The following MYT1L variants were observed in gnomAD, a reference collection of about 807,000 sequenced individuals.
MYT1L encodes myelin transcription factor 1 like, also known as myelin transcription factor 1-like protein.
MYT1L carries 12 observed loss-of-function variants against 126.7 expected under a neutral mutation model. That is an observed-to-expected ratio of 0.09 (90% CI 0.06 to 0.15). MYT1L has a LOEUF of 0.15. Among genes scored for constraint, MYT1L ranks in the 10% least tolerant of loss-of-function variants. The pLI is 1.00. For synonymous variants in MYT1L, 541 were observed against 604.2 expected (o/e 0.90, Z 1.53); for missense variants, 979 against 1,585.2 (o/e 0.62, Z 6.49).
intron 3 of MYT1L, among the ~76,000 whole-genome samples, chr2:2,105,163 G>A (rs749121746): frequency 9.2e-5 from 14 of 152,316 alleles, no homozygotes; most frequent in Middle Eastern, 3.4e-3. Context: ...GTGTAGTTTT[G>A]TAGAAGCTCT....
chr2:2,073,496 G>A (rs969348773), intron 3 of MYT1L, among the ~76,000 whole-genome samples: 4 of 152,036 alleles, frequency 2.6e-5, no homozygotes, highest in African/African-American at 9.7e-5. Context: ...CTCTCCTACG[G>A]GGAAGAGAGA....
Position 2,159,832 on chromosome 2 carries a change from T to TG in MYT1L, c.-304+13039dup, listed in dbSNP as rs1204800768. Among the ~76,000 whole-genome samples the TG allele has an allele frequency of 7.2e-5, 11 of 152,156 alleles. No individual in the cohort carries two copies. In the East Asian group the frequency reaches 1.8e-3, roughly 24 times the overall value. ...AATTGTTGATCATTTGCATTTCCTC[T>TG]GGGGGGCTCTTCTGTTTGCTACTTT... is the stretch of plus-strand genomic sequence containing the variant. On this transcript the variant is annotated intron_variant, in intron 3 of 24. Coordinates refer to ENST00000647738, the MANE Select transcript of MYT1L (RefSeq NM_001303052.2).
chr2:1,893,690 CTCCT>C (rs553125204), intron 14 of MYT1L, among the ~76,000 whole-genome samples: 35 of 152,324 alleles, frequency 2.3e-4, no homozygotes, highest in Middle Eastern at 3.4e-3. Flanking sequence ...TCCCCAGGGA[CTCCT>C]TCCCACAGAG....
chr2:2,315,654 A>T (rs1368838138), intron 1 of MYT1L, among the ~76,000 whole-genome samples: 1 of 152,150 alleles, frequency 6.6e-6, no homozygotes, highest in Non-Finnish European at 1.5e-5. Context: ...ATTTATCAAC[A>T]GTTTGAATTT....
intron 2 of MYT1L, among the ~76,000 whole-genome samples, chr2:2,223,555 C>T (rs1020358410): frequency 7.9e-5 from 12 of 152,108 alleles, no homozygotes; most frequent in Admixed American, 2.0e-4. Flanking sequence ...TAGGCACTTC[C>T]GAAAATAGCT....
intron 2 of MYT1L, among the ~76,000 whole-genome samples, chr2:2,184,082 AGAGG>A (rs2091864034): frequency 6.8e-6 from 1 of 147,976 alleles, no homozygotes. Flanking sequence ...AGAAACAGAG[AGAGG>A]GAGGGAGGGA....
Position 2,103,890 on chromosome 2 carries a change from T to C in MYT1L, c.-303-49767A>G, listed in dbSNP as rs565570849. Among the ~76,000 whole-genome samples the C allele has an allele frequency of 3.9e-5, 6 of 152,340 alleles. 1 individual carries two copies. Among genetic ancestry groups the C allele is most frequent in the South Asian group, 2.1e-4 (1 of 4,834 alleles). On this transcript the variant is annotated intron_variant, in intron 3 of 24. Transcript: ENST00000647738. ...TTCAACAGAGCAGATGCTGTGAGTA[T>C]AGAAAACGGTTTCTCCACAGCTCAG...
intron 18 of MYT1L, among the ~76,000 whole-genome samples, chr2:1,854,215 G>A (rs1013674077): frequency 1.3e-5 from 2 of 152,110 alleles, no homozygotes; most frequent in African/African-American, 4.8e-5. Context: ...AAAACATTAG[G>A]TCTCAGTATA....
chr2:2,200,778 T>G (rs1440882435), intron 2 of MYT1L, among the ~76,000 whole-genome samples: 3 of 151,872 alleles, frequency 2.0e-5, no homozygotes, highest in Non-Finnish European at 2.9e-5. Flanking sequence ...GCCCAGGGGG[T>G]TGCGCTCATG....
At chr2:1,796,430 G>A (rs2033518486) in intron 23 of MYT1L, among the ~76,000 whole-genome samples, 1 of 152,176 alleles carries the variant, frequency 6.6e-6, no homozygotes, top group African/African-American at 2.4e-5. Context: ...GGATCACAGA[G>A]AGGCTTAGCC....
intron 3 of MYT1L, among the ~76,000 whole-genome samples, chr2:2,136,165 C>T (rs985753121): frequency 1.3e-5 from 2 of 152,184 alleles, no homozygotes; most frequent in Non-Finnish European, 2.9e-5. Context: ...TTATGTTCCT[C>T]CAGTCTGTGA....
In MYT1L at chr2:1,793,934, G is replaced by C. The variant is rs1402723399; in HGVS notation, c.3277-1470C>G. ...CGGTGCTTGTCTTCCAGAGCGTTCTGTAGCCCTTCCTGGGTGGCCACGTGC... is the reference window on the plus strand; with the variant it reads ...CGGTGCTTGTCTTCCAGAGCGTTCTCTAGCCCTTCCTGGGTGGCCACGTGC... On this transcript the variant is annotated intron_variant, in intron 23 of 24. Coordinates refer to ENST00000647738, the MANE Select transcript of MYT1L (RefSeq NM_001303052.2). This position sits in a 1 kb window ranked among gnomAD's most constrained non-coding sequence, Gnocchi z 4.6. 6.6e-6 allele frequency among the ~76,000 whole-genome samples: 1 copy of C among 152,192 alleles called. No homozygotes were observed. The highest frequency in any genetic ancestry group is 1.5e-5 in the Non-Finnish European group (1 of 68,038).
intron 2 of MYT1L, among the ~76,000 whole-genome samples, chr2:2,209,122 C>T (rs1333166688): frequency 1.3e-5 from 2 of 152,098 alleles, no homozygotes; most frequent in Non-Finnish European, 2.9e-5. Flanking sequence ...TTTTTGTGGG[C>T]ACATAGTAGG....
At chr2:2,290,771 T>C (rs372757019) in intron 1 of MYT1L, among the ~76,000 whole-genome samples, 2 of 152,272 alleles carry the variant, frequency 1.3e-5, no homozygotes, top group East Asian at 3.9e-4. Flanking sequence ...ACTGATCCAA[T>C]TAGTCTGGGG....
intron 4 of MYT1L, among the ~76,000 whole-genome samples, chr2:2,023,930 T>C (rs2065282839): frequency 2.0e-5 from 3 of 152,194 alleles, no homozygotes. Context: ...AATTACCCAA[T>C]TTTAAAGCCC....
At chr2:1,876,134 G>A (rs112071961) in intron 18 of MYT1L, among the ~76,000 whole-genome samples, 2 of 152,172 alleles carry the variant, frequency 1.3e-5, no homozygotes, top group Admixed American at 1.3e-4. Flanking sequence ...GGGGAATGCT[G>A]TACTCTCAGG....
At chr2:2,249,514 A>C (rs991793031) in intron 2 of MYT1L, among the ~76,000 whole-genome samples, 2 of 152,098 alleles carry the variant, frequency 1.3e-5, no homozygotes, top group African/African-American at 4.8e-5. Flanking sequence ...CAAAATAGAA[A>C]AAAAAATCAA....
intron 2 of MYT1L, among the ~76,000 whole-genome samples, chr2:2,257,555 T>C (rs1292315800): frequency 1.3e-5 from 2 of 152,178 alleles, no homozygotes; most frequent in Non-Finnish European, 2.9e-5. Flanking sequence ...GCATGGTGAC[T>C]ATGGTAAATA....
chr2:1,920,500 T>C (rs1331258887), intron 10 of MYT1L, among the ~76,000 whole-genome samples: 1 of 152,126 alleles, frequency 6.6e-6, no homozygotes, highest in Admixed American at 6.5e-5. Context: ...GTCTAAAACA[T>C]AAGCCTAAGC....
Sources: allele counts gnomAD v4.1 joint callset (sites outside exome capture counted in the v4.1 genomes callset), GRCh38; gene constraint gnomAD v4.1.1; non-coding constraint Gnocchi (gnomAD v3.1); transcripts MANE v1.5; gene names NCBI Gene and HGNC (gene_info 2026-07-23, HGNC 2026-07-21).